The following GRID1 variants were observed in gnomAD, a reference collection of about 807,000 sequenced individuals.
The protein encoded by GRID1 is glutamate receptor ionotropic, delta-1.
GRID1 carries 28 observed loss-of-function variants against 98.0 expected under a neutral mutation model. The observed-to-expected ratio is 0.29, with a 90% CI of 0.21 to 0.39. GRID1 has a LOEUF of 0.39. Ranked by LOEUF, GRID1 falls within the 10% of genes least tolerant of loss-of-function variation. The pLI is 1.00. For missense variants in GRID1, 1,111 were observed against 1,340.5 expected (o/e 0.83, Z 2.67); for synonymous variants, 553 against 538.5 (o/e 1.03, Z -0.37).
chr10:85,848,748 C>T (rs925408414), intron 8 of GRID1, among the ~76,000 whole-genome samples: 4 of 152,134 alleles, frequency 2.6e-5, no homozygotes, highest in East Asian at 1.9e-4. Context: ...AAAAACACTA[C>T]CTAAAATGAA....
At chr10:85,848,843 T>C (rs1386306453) in intron 8 of GRID1, among the ~76,000 whole-genome samples, 1 of 152,198 alleles carries the variant, frequency 6.6e-6, no homozygotes, top group Admixed American at 6.5e-5. Flanking sequence ...CAAAAATAGT[T>C]CTGCACAAGG....
At chr10:86,328,839 A>G (rs955009520) in intron 2 of GRID1, among the ~76,000 whole-genome samples, 1 of 150,006 alleles carries the variant, frequency 6.7e-6, no homozygotes, top group East Asian at 2.0e-4. Flanking sequence ...GGACTTGGGG[A>G]CTCTGCATGA....
At chr10:85,917,172 C>T (rs951672856) in intron 4 of GRID1, among the ~76,000 whole-genome samples, 3 of 152,120 alleles carry the variant, frequency 2.0e-5, no homozygotes, top group African/African-American at 7.2e-5. Flanking sequence ...GAATACATCC[C>T]GTGAGCAGGT....
chr10:86,201,328 CAT>C (rs1311637012), intron 3 of GRID1, among the ~76,000 whole-genome samples: 1 of 152,180 alleles, frequency 6.6e-6, no homozygotes, highest in African/African-American at 2.4e-5. Flanking sequence ...TGTTATTCCA[CAT>C]ATATGAGTCG....
At chr10:86,255,822 A>T (rs1846909142) in intron 2 of GRID1, among the ~76,000 whole-genome samples, 1 of 152,086 alleles carries the variant, frequency 6.6e-6, no homozygotes, top group Non-Finnish European at 1.5e-5. Flanking sequence ...CAGGAGCCCC[A>T]GGGGCCTCGC....
intron 2 of GRID1, among the ~76,000 whole-genome samples, chr10:86,353,912 A>G (rs1415869089): frequency 6.6e-6 from 1 of 152,168 alleles, no homozygotes; most frequent in Admixed American, 6.5e-5. Context: ...AGCATCTGAC[A>G]CTGGCCACTG....
At chr10:86,257,425 A>G (rs1846939512) in intron 2 of GRID1, among the ~76,000 whole-genome samples, 1 of 152,240 alleles carries the variant, frequency 6.6e-6, no homozygotes, top group African/African-American at 2.4e-5. Context: ...ATAATGAGCA[A>G]AACGGAGCTC....
chr10:86,252,793 G>C (rs1164406091), intron 2 of GRID1, among the ~76,000 whole-genome samples: 1 of 152,182 alleles, frequency 6.6e-6, no homozygotes, highest in Non-Finnish European at 1.5e-5. Context: ...TGAGATATTG[G>C]TGCACAGCCT....
intron 6 of GRID1, among the ~76,000 whole-genome samples, chr10:85,863,184 G>A (rs1324103003): frequency 6.6e-6 from 1 of 152,226 alleles, no homozygotes; most frequent in Non-Finnish European, 1.5e-5. Flanking sequence ...CCGTTCTGAA[G>A]CCTGGCAAGT....
chr10:86,022,237 A>G (rs1410738036), intron 4 of GRID1, among the ~76,000 whole-genome samples: 1 of 152,252 alleles, frequency 6.6e-6, no homozygotes, highest in East Asian at 1.9e-4. Context: ...TCTTTAGAAG[A>G]GTCACATAAT....
chr10:85,952,811 C>T (rs1456875533), intron 4 of GRID1, among the ~76,000 whole-genome samples: 1 of 152,134 alleles, frequency 6.6e-6, no homozygotes, highest in African/African-American at 2.4e-5. Context: ...GTTTAAACTG[C>T]ATGAATTCAT....
intron 5 of GRID1, among the ~76,000 whole-genome samples, chr10:85,875,906 A>T (rs569293182): frequency 6.6e-6 from 1 of 152,194 alleles, no homozygotes; most frequent in Non-Finnish European, 1.5e-5. Context: ...CTCAGACCTT[A>T]TATCTGGGGT....
At chr10:85,728,307 G>C (rs1298928388) in intron 9 of GRID1, among the ~76,000 whole-genome samples, 1 of 152,094 alleles carries the variant, frequency 6.6e-6, no homozygotes, top group African/African-American at 2.4e-5. Flanking sequence ...CCCAGGCTCT[G>C]CCCCAACCCC....
chr10:86,021,972 T>C (rs1444207181), intron 4 of GRID1, among the ~76,000 whole-genome samples: 1 of 152,212 alleles, frequency 6.6e-6, no homozygotes, highest in South Asian at 2.1e-4. Context: ...GCAAGCTGCA[T>C]ATTCAATTTA....
intron 2 of GRID1, among the ~76,000 whole-genome samples, chr10:86,210,957 G>A (rs981784263): frequency 6.6e-6 from 1 of 152,248 alleles, no homozygotes; most frequent in Non-Finnish European, 1.5e-5. Context: ...CTGGCCACCT[G>A]GCCGGAGTCC....
At chr10:85,817,727 A>C (rs2131748272) in intron 8 of GRID1, among the ~76,000 whole-genome samples, 1 of 152,074 alleles carries the variant, frequency 6.6e-6, no homozygotes, top group East Asian at 1.9e-4. Flanking sequence ...CCCCATCTCT[A>C]CTAAAAATAC....
intron 8 of GRID1, among the ~76,000 whole-genome samples, chr10:85,789,087 G>C (rs985946028): frequency 6.6e-6 from 1 of 152,214 alleles, no homozygotes; most frequent in South Asian, 2.1e-4. Context: ...AATCCTTTTC[G>C]GGAAGGAGGC....
chr10:85,845,617 A>C (rs138400895), intron 8 of GRID1, among the ~76,000 whole-genome samples: 19 of 152,300 alleles, frequency 1.2e-4, no homozygotes, highest in African/African-American at 3.8e-4. Flanking sequence ...AATAAGTATG[A>C]AGCTTGCTCA....
rs576483314 is a variant in GRID1 at position 85,800,412 on chromosome 10, T to G, written c.1233+54084A>C. ...AGGTTACAAGATAGAAACAAAAACA[T>G]AAGATATTGTTACATAGAGAAAAAT... On this transcript the variant is annotated intron_variant, in intron 8 of 15. Transcript: ENST00000327946. Among the ~76,000 whole-genome samples, 11 of 151,888 alleles carry G rather than the reference T, an allele frequency of 7.2e-5. No individual in the cohort carries two copies. In the South Asian group the frequency reaches 2.3e-3, roughly 32 times the overall value.
Sources: allele counts gnomAD v4.1 joint callset (sites outside exome capture counted in the v4.1 genomes callset), GRCh38; gene constraint gnomAD v4.1.1; transcripts MANE v1.5; gene names NCBI Gene and HGNC (gene_info 2026-07-23, HGNC 2026-07-21).